Variants in AJAP1 observed in about 807,000 individuals in gnomAD.
The protein encoded by AJAP1 is adherens junctions associated protein 1.
AJAP1 carries 5 observed loss-of-function variants against 35.0 expected under a neutral mutation model. The ratio of observed to expected loss-of-function variants is 0.14; its 90% CI spans 0.07 to 0.30. The LOEUF is 0.30. AJAP1 is among the 10% of genes least tolerant of loss of function. AJAP1 has a pLI of 1.00. For synonymous variants in AJAP1, 284 were observed against 249.3 expected (o/e 1.14, Z -1.31); for missense variants, 586 against 571.0 (o/e 1.03, Z -0.27).
intron 2 of AJAP1, among the ~76,000 whole-genome samples, chr1:4,743,887 G>A (rs1570182655): frequency 6.6e-6 from 1 of 151,890 alleles, no homozygotes; most frequent in African/African-American, 2.4e-5. Flanking sequence ...ATATAATTAC[G>A]GGAGAAGGTG....
intron 4 of AJAP1, among the ~76,000 whole-genome samples, chr1:4,773,324 T>G (rs1471382396): frequency 2.0e-5 from 3 of 151,826 alleles, no homozygotes; most frequent in Non-Finnish European, 4.4e-5. Flanking sequence ...TGGACTCGAG[T>G]TGTTTTAGAA....
In AJAP1 at chr1:4,720,575, G is replaced by T. The variant is rs945511930; in HGVS notation, c.829+7876G>T. Among the ~76,000 whole-genome samples the T allele has an allele frequency of 6.6e-6, 1 of 152,216 alleles. No individual in the cohort carries two copies. Among genetic ancestry groups the T allele is most frequent in the Non-Finnish European group, 1.5e-5 (1 of 68,044 alleles). ...TCTGAATCTTTGCCTGCAAAATGGGGAAGCAATTTCTTTGTGACAAGGCTG... is the reference window on the plus strand; with the variant it reads ...TCTGAATCTTTGCCTGCAAAATGGGTAAGCAATTTCTTTGTGACAAGGCTG... On this transcript the variant is annotated intron_variant, in intron 2 of 5. Transcript: ENST00000378191. The surrounding 1 kb of genome is among the most constrained non-coding windows in gnomAD (Gnocchi z 4.4).
intron 2 of AJAP1, among the ~76,000 whole-genome samples, chr1:4,724,613 G>A (rs545835815): frequency 7.7e-4 from 115 of 149,480 alleles, no homozygotes; most frequent in Non-Finnish European, 1.4e-3. Flanking sequence ...GCTTTCCACC[G>A]GCCGTCACCT....
intron 3 of AJAP1, among the ~76,000 whole-genome samples, chr1:4,770,458 C>T (rs1313631190): frequency 6.6e-6 from 1 of 152,154 alleles, no homozygotes; most frequent in Admixed American, 6.5e-5. Context: ...TTGCCTATTT[C>T]CTCCTAGAAA....
At chr1:4,740,191 A>G (rs750785578) in intron 2 of AJAP1, among the ~76,000 whole-genome samples, 2 of 151,756 alleles carry the variant, frequency 1.3e-5, no homozygotes, top group Non-Finnish European at 2.9e-5. Context: ...TTAAAACCAA[A>G]GGAAATTACA....
chr1:4,655,651 G>A lies in AJAP1; in HGVS notation c.29+197G>A, dbSNP rs1347206411. Among the ~76,000 whole-genome samples the A allele has an allele frequency of 6.6e-6, 1 of 151,232 alleles. No individual in the cohort carries two copies. ...ACCGCGGCCCTGGCGGGGAGCGGCC[G>A]GGTCTCCAGGGTTCCGCGCGTCCGG... is the stretch of plus-strand genomic sequence containing the variant. On this transcript the variant is annotated intron_variant, in intron 1 of 5. Coordinates refer to ENST00000378191, the MANE Select transcript of AJAP1 (RefSeq NM_018836.4). The surrounding 1 kb of genome is among the most constrained non-coding windows in gnomAD (Gnocchi z 6.9).
chr1:4,772,092 TTTTA>T (rs1641847482), intron 3 of AJAP1, among the ~76,000 whole-genome samples, 184 bp from the exon 4 acceptor site: 1 of 100,130 alleles, frequency 1.0e-5, no homozygotes, highest in South Asian at 3.2e-4. Flanking sequence ...CATTTTTTTT[TTTTA>T]AAAAAAAAGA....
Position 4,712,015 on chromosome 1 carries a change from G to A in AJAP1, c.145G>A (p.Glu49Lys), listed in dbSNP as rs759413505. ...CTGTGAGGCCCTGGGCCCGGGGCCG[G>A]AGTTCTGGCTCCTGCCGCGGTCGCC... ...PACEALGPGPEFWLLPRSPPR... is the reference protein window; with the variant it reads ...PACEALGPGPKFWLLPRSPPR... Residue 49 changes from glutamate (E) to lysine (K), a missense_variant, in exon 2 of 6, where the codon GAG becomes AAG. By Grantham distance (56) the Glu-to-Lys change is moderately conservative. Coordinates refer to ENST00000378191, the MANE Select transcript of AJAP1 (RefSeq NM_018836.4). The A allele has an allele frequency of 1.1e-5, 18 of 1,596,084 alleles. No homozygotes were observed. Among genetic ancestry groups the A allele is most frequent in the South Asian group, 2.3e-5 (2 of 88,546 alleles).
At chr1:4,732,479 C>T (rs1557630613) in intron 2 of AJAP1, among the ~76,000 whole-genome samples, 1 of 152,264 alleles carries the variant, frequency 6.6e-6, no homozygotes, top group Admixed American at 6.5e-5. Context: ...CCCCCTCCCT[C>T]ACATGGCCTG....
intron 1 of AJAP1, among the ~76,000 whole-genome samples, chr1:4,679,972 T>C (rs1172357604): frequency 6.6e-6 from 1 of 152,168 alleles, no homozygotes; most frequent in African/African-American, 2.4e-5. Context: ...CATTTAATAC[T>C]GTAGAACTGA....
chr1:4,704,703 C>A (rs1640062738), intron 1 of AJAP1, among the ~76,000 whole-genome samples: 1 of 152,150 alleles, frequency 6.6e-6, no homozygotes, highest in Non-Finnish European at 1.5e-5. Context: ...AATGGTATTT[C>A]TAGTTCTAGA....
intron 2 of AJAP1, among the ~76,000 whole-genome samples, chr1:4,713,242 C>G (rs74051948): frequency 0.022 from 3,335 of 152,238 alleles, 131 homozygotes; most frequent in African/African-American, 0.075. Flanking sequence ...CAAGAAAGGC[C>G]GAGGCTGGGT....
chr1:4,766,565 A>T (rs17349250), intron 2 of AJAP1, among the ~76,000 whole-genome samples: 1 of 152,094 alleles, frequency 6.6e-6, no homozygotes, highest in Non-Finnish European at 1.5e-5. Context: ...TTGTCCAACC[A>T]TCATGAGGGT....
intron 1 of AJAP1, among the ~76,000 whole-genome samples, chr1:4,665,597 G>A (rs1639098335): frequency 6.6e-6 from 1 of 152,218 alleles, no homozygotes; most frequent in African/African-American, 2.4e-5. Context: ...CTGGGCTGGG[G>A]TTTTGTGGCA....
chr1:4,677,779 T>C (rs1639394756), intron 1 of AJAP1, among the ~76,000 whole-genome samples: 1 of 152,090 alleles, frequency 6.6e-6, no homozygotes, highest in Non-Finnish European at 1.5e-5. Flanking sequence ...GTTGAGGTCA[T>C]CAGAAGCCAG....
At chr1:4,765,334 G>GC (rs1641659669) in intron 2 of AJAP1, among the ~76,000 whole-genome samples, 1 of 152,182 alleles carries the variant, frequency 6.6e-6, no homozygotes. Flanking sequence ...TCTAGTCATA[G>GC]CCCCTGGACA....
chr1:4,699,502 A>G (rs1639940959), intron 1 of AJAP1, among the ~76,000 whole-genome samples: 1 of 152,208 alleles, frequency 6.6e-6, no homozygotes. Flanking sequence ...CGATAACCTG[A>G]CATTTATTCC....
At chr1:4,665,609 C>T (rs1366994335) in intron 1 of AJAP1, among the ~76,000 whole-genome samples, 3 of 152,194 alleles carry the variant, frequency 2.0e-5, no homozygotes, top group Non-Finnish European at 4.4e-5. Context: ...TTTGTGGCAC[C>T]AGCCACGCAA....
intron 1 of AJAP1, among the ~76,000 whole-genome samples, chr1:4,677,590 TA>T (rs111902962): frequency 4.6e-5 from 7 of 151,216 alleles, no homozygotes; most frequent in African/African-American, 1.5e-4. Flanking sequence ...AAGGAAGGAT[TA>T]AAAAAAAATT....
Sources: gnomAD v4.1 joint callset for allele counts (sites outside exome capture counted in the v4.1 genomes callset) on GRCh38, gnomAD v4.1.1 for gene constraint, Gnocchi (gnomAD v3.1) non-coding constraint, MANE v1.5 for transcripts, NCBI Gene and HGNC (gene_info 2026-07-23, HGNC 2026-07-21) for gene names.